The following ASMTL variants were observed in gnomAD, a reference collection of about 807,000 sequenced individuals.
The protein encoded by ASMTL is probable bifunctional dTTP/UTP pyrophosphatase/methyltransferase protein.
ASMTL carries 57 observed loss-of-function variants against 60.3 expected under a neutral mutation model. The observed-to-expected ratio is 0.95, with a 90% CI of 0.76 to 1.18. The LOEUF is 1.18. Among genes scored for constraint, ASMTL ranks in the 50% most tolerant of loss-of-function variants. ASMTL has a pLI of 0.00. For synonymous variants in ASMTL, 419 were observed against 373.0 expected, an observed-to-expected ratio of 1.12 and a Z score of -1.42; for missense variants, 981 against 852.6, an observed-to-expected ratio of 1.15 and a Z score of -1.88.
At chrX:1,443,530 C>A (rs757602087) in intron 1 of ASMTL, among the ~76,000 whole-genome samples, 1 of 151,244 alleles carries the variant, frequency 6.6e-6, no homozygotes, top group Non-Finnish European at 1.5e-5. Context: ...GGACACACAC[C>A]GCCATCTTGG....
chrX:1,417,806 GAGAGACAC>G (rs1430938775), intron 11 of ASMTL, 159 bp downstream of exon 11: 4,846 of 49,930 alleles, frequency 0.097, 75 homozygotes, highest in Middle Eastern at 0.13. Context: ...CATGCACACA[GAGAGACAC>G]ACACACACAA....
chrX:1,411,693 C>G (rs1485042505), intron 12 of ASMTL, among the ~76,000 whole-genome samples: 1 of 150,732 alleles, frequency 6.6e-6, no homozygotes, highest in Admixed American at 6.6e-5. Context: ...CACCAGCCCA[C>G]GGCTTCCTCC....
At chrX:1,443,930 C>A (rs1254625040) in intron 1 of ASMTL, among the ~76,000 whole-genome samples, 13 of 152,240 alleles carry the variant, frequency 8.5e-5, no homozygotes, top group Admixed American at 8.5e-4. Flanking sequence ...TGGACAGACA[C>A]CCCCGTCTTG....
In ASMTL at chrX:1,422,457, A is replaced by G. The variant is rs752150746; in HGVS notation, c.1061-615T>C. 1.1e-3 allele frequency among the ~76,000 whole-genome samples: 172 copies of G among 152,178 alleles called. 1 individual carries two copies. Among genetic ancestry groups the G allele is most frequent in the Middle Eastern group, 0.01 (3 of 294 alleles). On this transcript the variant is annotated intron_variant, in intron 8 of 12. Transcript: ENST00000381317. ...GTCCTCAAGATAAATCTCCTAGGTT[A>G]TATCCTAGGGGTTCTGTTACCCTGG... is the stretch of plus-strand genomic sequence containing the variant.
In ASMTL at chrX:1,413,469, C is replaced by T. The variant is rs1446349730; in HGVS notation, c.1523-615G>A. Among the ~76,000 whole-genome samples, 6 of 152,242 alleles carry T rather than the reference C, an allele frequency of 3.9e-5. No homozygotes were observed. In the East Asian group the frequency reaches 1.2e-3, roughly 29 times the overall value. On this transcript the variant is annotated intron_variant, in intron 11 of 12. Coordinates refer to ENST00000381317, the MANE Select transcript of ASMTL (RefSeq NM_004192.4). ...CGCACTGCCGGTGAGTGGGCAATGG[C>T]AGGGCCTTCTCTGGTGATCCCCTGA...
chrX:1,443,937 C>T (rs1447654557), intron 1 of ASMTL, among the ~76,000 whole-genome samples: 1 of 152,270 alleles, frequency 6.6e-6, no homozygotes, highest in Non-Finnish European at 1.5e-5. Context: ...ACACCCCCGT[C>T]TTGGACAGAC....
intron 6 of ASMTL, among the ~76,000 whole-genome samples, chrX:1,428,675 ATGT>A (rs2090683913): frequency 6.7e-6 from 1 of 148,888 alleles, no homozygotes; most frequent in Non-Finnish European, 1.5e-5. Context: ...ATAAAATTTC[ATGT>A]GTTAAATGGG....
chrX:1,433,577 G>C (rs2090874930), intron 5 of ASMTL, among the ~76,000 whole-genome samples: 1 of 151,686 alleles, frequency 6.6e-6, no homozygotes, highest in African/African-American at 2.4e-5. Context: ...CTACTCGGGA[G>C]GCTGAGGCAG....
Position 1,431,669 on chromosome X carries a change from ATAAT to A in ASMTL, c.509+596_509+599del, listed in dbSNP as rs746953407. 3.4e-4 allele frequency among the ~76,000 whole-genome samples: 50 copies of A among 147,130 alleles called. 1 individual carries two copies. The highest frequency in any genetic ancestry group is 1.0e-3 in the Admixed American group (15 of 14,572). On this transcript the variant is annotated intron_variant, in intron 6 of 12. Transcript: ENST00000381317. ...ATAATTTGTATAATGTAGATTATAT[ATAAT>A]TAATAGAATATATAATGTGGAATAC...
In ASMTL at chrX:1,405,335, G is replaced by GTGGATGGA. The variant is rs1406411893; in HGVS notation, c.1646-1854_1646-1847dup. Among the ~76,000 whole-genome samples, 200 of 149,224 alleles carry GTGGATGGA rather than the reference G, an allele frequency of 1.3e-3. 1 individual carries two copies. The highest frequency in any genetic ancestry group is 4.8e-3 in the African/African-American group (190 of 39,866). On this transcript the variant is annotated intron_variant, in intron 12 of 12. Transcript: ENST00000381317. ...TAGATGGTAGATGATGGATCGTTAG[G>GTGGATGGA]TGGATGGATAGATGGAGGCATGGAT...
intron 1 of ASMTL, among the ~76,000 whole-genome samples, chrX:1,442,541 C>T (rs1186543959): frequency 6.6e-6 from 1 of 151,910 alleles, no homozygotes; most frequent in African/African-American, 2.4e-5. Context: ...TGACCAGGGG[C>T]CTTCAGGGAC....
rs762883308 is a variant in ASMTL at position 1,417,968 on chromosome X, C to G, written c.1522+5G>C. 1 of 1,604,260 alleles carries G rather than the reference C, an allele frequency of 6.2e-7. No individual in the cohort carries two copies. The highest frequency in any genetic ancestry group is 8.5e-7 in the Non-Finnish European group (1 of 1,173,596). On this transcript the variant is annotated splice_donor_5th_base_variant and intron_variant, in intron 11 of 12. Transcript: ENST00000381317. ...GTTAGCAGGGTGAACAGGAGGAGGG[C>G]TCACCTGCTGCGAAGTGGATCTGCA...
intron 12 of ASMTL, among the ~76,000 whole-genome samples, chrX:1,407,895 A>G (rs2149265050): frequency 6.7e-6 from 1 of 149,550 alleles, no homozygotes; most frequent in East Asian, 2.0e-4. Flanking sequence ...AGAGAGGAAG[A>G]GGGAGAAGAG....
intron 11 of ASMTL, among the ~76,000 whole-genome samples, chrX:1,414,434 TCCGG>T (rs1165476863): frequency 2.0e-5 from 3 of 152,064 alleles, no homozygotes; most frequent in African/African-American, 4.8e-5. Flanking sequence ...CTTTAGCATT[TCCGG>T]CCGGGCGGGG....
rs112915722 is a variant in ASMTL at position 1,444,208 on chromosome X, ATT to A, written c.94-1893_94-1892del. On this transcript the variant is annotated intron_variant, in intron 1 of 12. Coordinates refer to ENST00000381317, the MANE Select transcript of ASMTL (RefSeq NM_004192.4). ...AACCCTTTGCTGAGCCACTTTTTGTATTTTTTTTTTTTTTTTTGAAACGGAGT... is the reference window on the plus strand; with the variant it reads ...AACCCTTTGCTGAGCCACTTTTTGTATTTTTTTTTTTTTTTGAAACGGAGT... 6.0e-3 allele frequency among the ~76,000 whole-genome samples: 735 copies of A among 123,426 alleles called. 4 individuals are homozygous for A. Among genetic ancestry groups the A allele is most frequent in the African/African-American group, 0.011 (363 of 34,006 alleles). 81.0% of individuals were successfully genotyped at this position (123,426 alleles called of 152,430 possible).
In ASMTL at chrX:1,425,567, C is replaced by T; in HGVS notation, c.1018G>A (p.Asp340Asn). Reference sequence around the variant, plus strand: ...AGGAGCCCCATGGCAGCACAGATGTCCAGAAGCCTCTCCATTCCACACGCA... The same window carrying T: ...AGGAGCCCCATGGCAGCACAGATGTTCAGAAGCCTCTCCATTCCACACGCA... ...ASACGMERLL[D>N]ICAAMGLLEK... is the part of the protein sequence containing the mutation. Residue 340 changes from aspartate (D) to asparagine (N), a missense_variant, in exon 8 of 13, where the codon GAC (aspartate) becomes AAC (asparagine). Physicochemically the swap from Asp to Asn is conservative, Grantham distance 23. Coordinates refer to ENST00000381317, the MANE Select transcript of ASMTL (RefSeq NM_004192.4). 6.2e-7 allele frequency: 1 copy of T among 1,613,552 alleles called. No homozygotes were observed. The highest frequency in any genetic ancestry group is 8.5e-7 in the Non-Finnish European group (1 of 1,179,816).
chrX:1,411,501 C>T (rs2090019308), intron 12 of ASMTL, among the ~76,000 whole-genome samples: 1 of 152,192 alleles, frequency 6.6e-6, no homozygotes. Context: ...AGCAGCCCCA[C>T]TGGGCTCCAG....
chrX:1,422,016 C>T (rs1243994442), intron 8 of ASMTL, 174 bp from the exon 9 acceptor site: 1 of 179,206 alleles, frequency 5.6e-6, no homozygotes, highest in Non-Finnish European at 1.1e-5. Flanking sequence ...TTAAAATAAA[C>T]ATCATCCATC....
In ASMTL at chrX:1,437,763, C is replaced by T. The variant is rs192857693; in HGVS notation, c.273+1334G>A. On this transcript the variant is annotated intron_variant, in intron 3 of 12. Transcript: ENST00000381317. ...ATACAAAAAATTAGCCACACGTGGT[C>T]GCGCGCACCTGTAGTCCCCGCTACT... Among the ~76,000 whole-genome samples the T allele has an allele frequency of 4.1e-3, 620 of 150,564 alleles. 7 individuals carry two copies. Among genetic ancestry groups the T allele is most frequent in the African/African-American group, 0.014 (562 of 41,032 alleles).
Sources: allele counts gnomAD v4.1 joint callset (sites outside exome capture counted in the v4.1 genomes callset), GRCh38; gene constraint gnomAD v4.1.1; transcripts MANE v1.5; gene names NCBI Gene and HGNC (gene_info 2026-07-23, HGNC 2026-07-21).